The following RBBP8 variants were observed in gnomAD, a reference collection of about 807,000 sequenced individuals.
The protein encoded by RBBP8 is RB binding protein 8, endonuclease.
In RBBP8, 88 loss-of-function variants were observed where a neutral mutation model predicts 108.3. That is an observed-to-expected ratio of 0.81 (90% CI 0.68 to 0.97). The LOEUF is 0.97. RBBP8 is among the 50% of genes least tolerant of loss of function. RBBP8 has a pLI of 0.00. For synonymous variants in RBBP8, 332 were observed against 348.2 expected, an observed-to-expected ratio of 0.95 and a Z score of 0.52; for missense variants, 1,023 against 1,049.0, an observed-to-expected ratio of 0.98 and a Z score of 0.34.
chr18:22,996,352 A>T, intron 12 of RBBP8, 22 bp from the exon 13 acceptor site: 1 of 1,612,696 alleles, frequency 6.2e-7, no homozygotes. Flanking sequence ...TTTTAATTGC[A>T]TGCTCTTTCC....
In RBBP8 at chr18:22,982,387, G is replaced by A. The variant is rs1914995789; in HGVS notation, c.598G>A (p.Ala200Thr). 3.1e-6 allele frequency: 5 copies of A among 1,613,958 alleles called. No homozygotes were observed. The highest frequency in any genetic ancestry group is 4.2e-6 in the Non-Finnish European group (5 of 1,179,958). ...THTKLEHSVC[A>T]NEMRKVSKSS... The stretch of plus-strand genomic sequence containing the variant: ...TACTAAATTGGAGCACTCTGTGTGT[G>A]CAAATGGTAAGAGTTGGAGTTGTAT... Residue 200 changes from alanine (A) to threonine (T), a missense_variant, in exon 7 of 19, where the codon GCA becomes ACA. Physicochemically the swap from Ala to Thr is moderately conservative, Grantham distance 58 (BLOSUM62 0). Transcript: ENST00000327155.
intron 1 of RBBP8, 185 bp downstream of exon 1, chr18:22,933,749 G>C (rs1363299516): frequency 1.3e-5 from 2 of 152,406 alleles, no homozygotes; most frequent in East Asian, 3.9e-4. Flanking sequence ...GGGAGGACGA[G>C]CGCTACCTCA....
chr18:22,984,126 T>C (rs1915156497), intron 7 of RBBP8, among the ~76,000 whole-genome samples: 1 of 152,152 alleles, frequency 6.6e-6, no homozygotes, highest in Non-Finnish European at 1.5e-5. Flanking sequence ...TAATGACTAA[T>C]TAGTCCTGTT....
chr18:23,018,202 C>T (rs2144828867), intron 17 of RBBP8, among the ~76,000 whole-genome samples: 1 of 152,136 alleles, frequency 6.6e-6, no homozygotes, highest in Admixed American at 6.6e-5. Context: ...GGATTACAGG[C>T]ATGCGCCACC....
At chr18:22,946,386 G>A in intron 2 of RBBP8, 58 bp from the exon 3 acceptor site, 2 of 1,599,072 alleles carry the variant, frequency 1.3e-6, no homozygotes, top group Admixed American at 3.4e-5. Flanking sequence ...TAATAGTGGA[G>A]CATTTGACTC....
intron 4 of RBBP8, among the ~76,000 whole-genome samples, chr18:22,959,936 C>T (rs1047232538): frequency 3.4e-5 from 5 of 146,152 alleles, no homozygotes; most frequent in Non-Finnish European, 6.0e-5. Context: ...CTGTCACACA[C>T]GCTGGAGTAC....
intron 4 of RBBP8, among the ~76,000 whole-genome samples, chr18:22,959,970 C>A (rs1598665802): frequency 6.8e-6 from 1 of 148,070 alleles, no homozygotes; most frequent in African/African-American, 2.5e-5. Context: ...CAGCTCACTG[C>A]AAGCTCCGCC....
At chr18:23,024,908 T>TA in intron 18 of RBBP8, among the ~76,000 whole-genome samples, 1 of 152,318 alleles carries the variant, frequency 6.6e-6, no homozygotes, top group East Asian at 1.9e-4. Context: ...TGTCAAATGA[T>TA]AAAATTATAC....
In RBBP8 at chr18:22,993,141, A is replaced by G; in HGVS notation, c.1314A>G (p.Lys438=). 1.2e-6 allele frequency: 2 copies of G among 1,614,078 alleles called. No individual in the cohort carries two copies. Among genetic ancestry groups the G allele is most frequent in the Non-Finnish European group, 1.7e-6 (2 of 1,179,988 alleles). The change falls in exon 11 of 19, where the codon AAA becomes AAG. Residue 438 remains lysine (K), a synonymous_variant. Coordinates refer to ENST00000327155, the MANE Select transcript of RBBP8 (RefSeq NM_002894.3). Reference sequence around the variant, plus strand: ...CTGATAAACATTTGGAGCCCCTGAAATCATTGGGAGGCCGAACATCCAAAA... The same window carrying G: ...CTGATAAACATTTGGAGCCCCTGAAGTCATTGGGAGGCCGAACATCCAAAA... The part of the protein sequence containing the change: ...SNTDKHLEPL[K]SLGGRTSKRK...
At chr18:22,936,139 T>G (rs1296974733) in intron 1 of RBBP8, among the ~76,000 whole-genome samples, 14 of 152,184 alleles carry the variant, frequency 9.2e-5, no homozygotes, top group Admixed American at 9.2e-4. Flanking sequence ...AGGGTCTCTG[T>G]CGCTCAGGCT....
intron 4 of RBBP8, among the ~76,000 whole-genome samples, chr18:22,959,722 A>ATGTGTGTGTGTGTT (rs945361553): frequency 6.6e-6 from 1 of 151,004 alleles, no homozygotes; most frequent in Non-Finnish European, 1.5e-5. Context: ...GTATATTTAT[A>ATGTGTGTGTGTGTT]TGTGTGTGTG....
intron 18 of RBBP8, among the ~76,000 whole-genome samples, chr18:23,022,669 A>AAATAAAATAAAATAAAATAAAATAAT (rs1278052195): frequency 7.1e-6 from 1 of 141,050 alleles, no homozygotes; most frequent in Non-Finnish European, 1.5e-5. Context: ...AAAATAAAAT[A>AAATAAAATAAAATAAAATAAAATAAT]AATAACTGTA....
rs768809946 is a variant in RBBP8, at chr18:22,968,853, T to G, written c.296T>G (p.Met99Arg). 1 of 1,613,636 alleles carries G rather than the reference T, an allele frequency of 6.2e-7. No homozygotes were observed. Among genetic ancestry groups the G allele is most frequent in the East Asian group, 2.2e-5 (1 of 44,772 alleles). Reference sequence around the variant, plus strand: ...CGCTGTGCAGTAACTGAAGAACATATGCGGAAAAAACAGCAAGAGTTTGAA... The same window carrying G: ...CGCTGTGCAGTAACTGAAGAACATAGGCGGAAAAAACAGCAAGAGTTTGAA... ...CDRCAVTEEH[M>R]RKKQQEFENI... Residue 99 changes from methionine (M) to arginine (R), a missense_variant, in exon 5 of 19, where the codon ATG becomes AGG. Physicochemically the swap from Met to Arg is moderately conservative, Grantham distance 91 (BLOSUM62 -1). Transcript: ENST00000327155.
rs2046064395 is a variant in RBBP8, at chr18:23,007,043, CAG to C, written c.2357+614_2357+615del. Among the ~76,000 whole-genome samples the C allele has an allele frequency of 2.4e-4, 34 of 140,994 alleles. 2 individuals carry two copies. The South Asian group carries it at 7.4e-3, about 31-fold the overall frequency. The allele number at this position is 140,994 out of a possible 152,430, so 92.5% of individuals were successfully genotyped here. A position where few individuals can be genotyped will look rare whatever the true frequency, so the allele number is the denominator to read the frequency against. On this transcript the variant is annotated intron_variant, in intron 16 of 18. Transcript: ENST00000327155. ...TTTCTTTTTTTTTTTTTTTTGGAGACAGAGTTTCACTCTGTTGCCCCGGCTGG... is the reference window on the plus strand; with the variant it reads ...TTTCTTTTTTTTTTTTTTTTGGAGACAGTTTCACTCTGTTGCCCCGGCTGG...
upstream of RBBP8, chr18:22,929,510 G>GT (rs147326546): frequency 6.4e-5 from 8 of 125,194 alleles, no homozygotes; most frequent in African/African-American, 2.3e-4. Context: ...GTGTGTGTGT[G>GT]AAGAGACAGG....
intron 4 of RBBP8, among the ~76,000 whole-genome samples, chr18:22,955,499 T>C (rs1176210517): frequency 1.3e-5 from 2 of 152,148 alleles, no homozygotes. Flanking sequence ...TAGATCCATT[T>C]TGCATGTGAG....
At chr18:22,932,819 T>A (rs1910121336), upstream of RBBP8, among the ~76,000 whole-genome samples, 1 of 152,208 alleles carries the variant, frequency 6.6e-6, no homozygotes, top group South Asian at 2.1e-4. Context: ...TGAAGGAGAT[T>A]CCTTCTCGTT....
intron 3 of RBBP8, among the ~76,000 whole-genome samples, chr18:22,923,119 C>T (rs187601383): frequency 1.1e-3 from 168 of 152,290 alleles, no homozygotes; most frequent in African/African-American, 3.9e-3. Flanking sequence ...CAGTTTCTTA[C>T]ATTGTTACAG....
intron 14 of RBBP8, among the ~76,000 whole-genome samples, chr18:22,998,592 T>C (rs2045897761): frequency 6.6e-6 from 1 of 152,260 alleles, no homozygotes; most frequent in Non-Finnish European, 1.5e-5. Context: ...GAAGCAGTGC[T>C]AAAAGCAGAG....
Sources: gnomAD v4.1 joint callset for allele counts (sites outside exome capture counted in the v4.1 genomes callset) on GRCh38, gnomAD v4.1.1 for gene constraint, MANE v1.5 for transcripts, NCBI Gene and HGNC (gene_info 2026-07-23, HGNC 2026-07-21) for gene names.